The following LORICRIN variants were observed in gnomAD, a reference collection of about 807,000 sequenced individuals.
LORICRIN encodes the protein loricrin cornified envelope precursor protein.
In LORICRIN, 5 loss-of-function variants were observed where a neutral mutation model predicts 3.3. The ratio of observed to expected loss-of-function variants is 1.52; its 90% CI spans 0.79 to 3.19. The LOEUF is 3.19. Among genes scored for constraint, LORICRIN ranks in the 30% most tolerant of loss-of-function variants. The probability of loss-of-function intolerance (pLI) is 0.00; values close to 1 mark genes in which losing one functional copy is unlikely to be tolerated. For missense variants in LORICRIN, 524 were observed against 460.2 expected, an observed-to-expected ratio of 1.14 and a Z score of -1.27; for synonymous variants, 237 against 231.4, an observed-to-expected ratio of 1.02 and a Z score of -0.22.
At position 153,261,124 on chromosome 1, in the gene LORICRIN, T is replaced by C. The variant is rs775860228; in HGVS notation, c.175T>C (p.Tyr59His). Reference protein sequence around the residue: ...SGCGYSGGGGYSGGGCGGGSS... With the variant: ...SGCGYSGGGGHSGGGCGGGSS... Reference sequence around the variant, plus strand: ...CTGCGGCTACTCCGGCGGCGGTGGCTACTCTGGCGGCGGCTGCGGCGGGGG... The same window carrying C: ...CTGCGGCTACTCCGGCGGCGGTGGCCACTCTGGCGGCGGCTGCGGCGGGGG... The change falls in exon 2 of 2, where the codon TAC becomes CAC. Residue 59 changes from tyrosine to histidine, a missense_variant. By Grantham distance (83) the Tyr-to-His change is moderately conservative. Transcript: ENST00000368742. 15 of 1,355,450 alleles carry C rather than the reference T, an allele frequency of 1.1e-5. No homozygotes were observed. The highest frequency in any genetic ancestry group is 1.2e-5 in the Non-Finnish European group (13 of 1,061,626). The allele number at this position is 1,355,450 out of a possible 1,614,324, so 84.0% of individuals were successfully genotyped here.
rs1557795300 is a variant in LORICRIN, at chr1:153,261,231, C to CGGCTCCTCCAGCGGG, written c.291_292insAGCGGGGGCTCCTCC (p.Ser97_Gly98insSerGlyGlySerSer). 2.3e-5 allele frequency: 32 copies of CGGCTCCTCCAGCGGG among 1,367,978 alleles called. No homozygotes were observed. Among genetic ancestry groups the CGGCTCCTCCAGCGGG allele is most frequent in the Non-Finnish European group, 2.9e-5 (31 of 1,064,960 alleles). The allele number at this position is 1,367,978 out of a possible 1,614,324, so 84.7% of individuals were successfully genotyped here. On this transcript the variant is annotated inframe_insertion, in exon 2 of 2. Transcript: ENST00000368742. ...GGAGCGTCAAGTACTCCGGAGGCGG[C>CGGCTCCTCCAGCGGG]GGCTCCTCCGGCGGGGGCTCTGGCT...
intron 1 of LORICRIN, 140 bp from the exon 2 acceptor site, chr1:153,260,787 C>T: frequency 1.8e-6 from 1 of 543,192 alleles, no homozygotes; most frequent in South Asian, 3.3e-5. Context: ...CCAAAAGCAG[C>T]AATCATAAGA....
chr1:153,261,603 G>C lies in LORICRIN; in HGVS notation c.654G>C (p.Ser218=), dbSNP rs77162859. ...YVSSQQVTQT[S]CAPQPSYGGG... is the part of the protein sequence containing the mutation. ...CCTCGCAGCAGGTCACTCAGACCTC[G>C]TGCGCGCCCCAGCCGAGTTACGGAG... is the stretch of plus-strand genomic sequence containing the variant. Residue 218 remains serine (S), a synonymous_variant, in exon 2 of 2, where the codon TCG becomes TCC. Coordinates refer to ENST00000368742, the MANE Select transcript of LORICRIN (RefSeq NM_000427.3). 1 of 1,514,148 alleles carries C rather than the reference G, an allele frequency of 6.6e-7. No homozygotes were observed. Among genetic ancestry groups the C allele is most frequent in the African/African-American group, 1.5e-5 (1 of 67,358 alleles). The allele number at this position is 1,514,148 out of a possible 1,614,324, so 93.8% of individuals were successfully genotyped here.
chr1:153,261,242 G>A lies in LORICRIN; in HGVS notation c.293G>A (p.Gly98Asp). 1 of 1,387,924 alleles carries A rather than the reference G, an allele frequency of 7.2e-7. No individual in the cohort carries two copies. Among genetic ancestry groups the A allele is most frequent in the South Asian group, 1.6e-5 (1 of 61,790 alleles). The allele number at this position is 1,387,924 out of a possible 1,614,324, so 86.0% of individuals were successfully genotyped here. ...VKYSGGGGSS[G>D]GGSGCFSSGG... is the part of the protein sequence containing the mutation. ...TACTCCGGAGGCGGCGGCTCCTCCG[G>A]CGGGGGCTCTGGCTGTTTCTCCAGC... is the stretch of plus-strand genomic sequence containing the variant. The change falls in exon 2 of 2, where the codon GGC (glycine) becomes GAC (aspartate). Residue 98 changes from glycine to aspartate, a missense_variant. Coordinates refer to ENST00000368742, the MANE Select transcript of LORICRIN (RefSeq NM_000427.3).
rs886714045 is a variant in LORICRIN, at chr1:153,261,220, T to C, written c.271T>C (p.Ser91Pro). The C allele has an allele frequency of 2.9e-6, 4 of 1,358,130 alleles. No homozygotes were observed. The highest frequency in any genetic ancestry group is 3.3e-5 in the South Asian group (2 of 59,972). The allele number at this position is 1,358,130 out of a possible 1,614,324, so 84.1% of individuals were successfully genotyped here. Residue 91 changes from serine (S) to proline (P), a missense_variant, in exon 2 of 2, where the codon TCC becomes CCC. Ser to Pro is a moderately conservative substitution (Grantham distance 74, BLOSUM62 -1). Transcript: ENST00000368742. Reference protein sequence around the residue: ...GGGSGGSVKYSGGGGSSGGGS... With the variant: ...GGGSGGSVKYPGGGGSSGGGS... ...GGGCTCCGGTGGGAGCGTCAAGTAC[T>C]CCGGAGGCGGCGGCTCCTCCGGCGG... is the stretch of plus-strand genomic sequence containing the variant.
chr1:153,261,697 T>G lies in LORICRIN; in HGVS notation c.748T>G (p.Ser250Ala). ...CTCCAGCGGCGGGGGCGGCGGGAGCTCCGGCTGCGGCGGCGGCTCCTCCGG... is the reference window on the plus strand; with the variant it reads ...CTCCAGCGGCGGGGGCGGCGGGAGCGCCGGCTGCGGCGGCGGCTCCTCCGG... ...CFSSGGGGGSSGCGGGSSGIG... is the reference protein window; with the variant it reads ...CFSSGGGGGSAGCGGGSSGIG... Residue 250 changes from serine (S) to alanine (A), a missense_variant, in exon 2 of 2, where the codon TCC becomes GCC. Ser to Ala is a moderately conservative substitution (Grantham distance 99). Coordinates refer to ENST00000368742, the MANE Select transcript of LORICRIN (RefSeq NM_000427.3). The G allele has an allele frequency of 6.6e-7, 1 of 1,506,244 alleles. No individual in the cohort carries two copies. The highest frequency in any genetic ancestry group is 8.8e-7 in the Non-Finnish European group (1 of 1,137,628). 93.3% of individuals were successfully genotyped at this position (1,506,244 alleles called of 1,614,324 possible).
In LORICRIN at chr1:153,261,758, C is replaced by G. The variant is rs757890729; in HGVS notation, c.809C>G (p.Ser270Cys). The G allele has an allele frequency of 1.3e-6, 2 of 1,578,392 alleles. No individual in the cohort carries two copies. The highest frequency in any genetic ancestry group is 2.3e-5 in the South Asian group (2 of 87,358). Residue 270 changes from serine (S) to cysteine (C), a missense_variant, in exon 2 of 2, where the codon TCC becomes TGC. By Grantham distance (112) the Ser-to-Cys change is moderately radical. Transcript: ENST00000368742. ...GGCTGCATCATCAGTGGCGGGGGCTCCGTCTGCGGAGGTGGTTCCTCTGGA... is the reference window on the plus strand; with the variant it reads ...GGCTGCATCATCAGTGGCGGGGGCTGCGTCTGCGGAGGTGGTTCCTCTGGA... Reference protein sequence around the residue: ...GSGCIISGGGSVCGGGSSGGG... With the variant: ...GSGCIISGGGCVCGGGSSGGG...
chr1:153,259,838 C>T (rs570636106), intron 1 of LORICRIN, 105 bp downstream of exon 1: 1 of 152,430 alleles, frequency 6.6e-6, no homozygotes, highest in African/African-American at 2.4e-5. Flanking sequence ...GCTATAGGAC[C>T]TCTGCCTTCC....
In LORICRIN at chr1:153,261,317, G is replaced by A. The variant is rs968735493; in HGVS notation, c.368G>A (p.Gly123Glu). 1 of 1,465,936 alleles carries A rather than the reference G, an allele frequency of 6.8e-7. No individual in the cohort carries two copies. The allele number at this position is 1,465,936 out of a possible 1,614,324, so 90.8% of individuals were successfully genotyped here. A position where few individuals can be genotyped will look rare whatever the true frequency, so the allele number is the denominator to read the frequency against. ...CFSSGGGGSS[G>E]GGSGCFSSGG... Reference sequence around the variant, plus strand: ...TCCTCCGGTGGCGGCGGCTCCTCCGGGGGCGGCTCCGGCTGCTTCTCCAGC... The same window carrying A: ...TCCTCCGGTGGCGGCGGCTCCTCCGAGGGCGGCTCCGGCTGCTTCTCCAGC... Residue 123 changes from glycine to glutamate, a missense_variant, in exon 2 of 2, where the codon GGG becomes GAG. Physicochemically the swap from Gly to Glu is moderately conservative, Grantham distance 98 (BLOSUM62 -2). Coordinates refer to ENST00000368742, the MANE Select transcript of LORICRIN (RefSeq NM_000427.3).
At position 153,261,462 on chromosome 1, in the gene LORICRIN, G is replaced by A; in HGVS notation, c.513G>A (p.Gly171=). 4 of 1,491,624 alleles carry A rather than the reference G, an allele frequency of 2.7e-6. No homozygotes were observed. Among genetic ancestry groups the A allele is most frequent in the Non-Finnish European group, 3.5e-6 (4 of 1,129,152 alleles). 92.4% of individuals were successfully genotyped at this position (1,491,624 alleles called of 1,614,324 possible). The change falls in exon 2 of 2, where the codon GGG becomes GGA. Residue 171 remains glycine (G), a synonymous_variant. Coordinates refer to ENST00000368742, the MANE Select transcript of LORICRIN (RefSeq NM_000427.3). ...GCGTCTCTAGCGGCGGCTCCTCCGG[G>A]GGCGGCTCCGGCTGCTTCTCCAGCG... The part of the protein sequence containing the change: ...YGGVSSGGSS[G]GGSGCFSSGG...
Position 153,261,753 on chromosome 1 carries a change from G to A in LORICRIN, c.804G>A (p.Gly268=). The change falls in exon 2 of 2, where the codon GGG becomes GGA. Residue 268 remains glycine, a synonymous_variant. Coordinates refer to ENST00000368742, the MANE Select transcript of LORICRIN (RefSeq NM_000427.3). ...GCAGCGGCTGCATCATCAGTGGCGGGGGCTCCGTCTGCGGAGGTGGTTCCT... is the reference window on the plus strand; with the variant it reads ...GCAGCGGCTGCATCATCAGTGGCGGAGGCTCCGTCTGCGGAGGTGGTTCCT... ...GIGSGCIISG[G]GSVCGGGSSG... The A allele has an allele frequency of 1.3e-6, 2 of 1,576,876 alleles. No individual in the cohort carries two copies. Among genetic ancestry groups the A allele is most frequent in the Non-Finnish European group, 1.7e-6 (2 of 1,166,002 alleles).
chr1:153,260,890 G>C, intron 1 of LORICRIN, 37 bp from the exon 2 acceptor site: 1 of 1,427,742 alleles, frequency 7.0e-7, no homozygotes, highest in Non-Finnish European at 9.7e-7. Flanking sequence ...GTATCCTCTT[G>C]CAGCTGGTCC....
Position 153,261,473 on chromosome 1 carries a change from G to C in LORICRIN, c.524G>C (p.Gly175Ala). Residue 175 changes from glycine (G) to alanine (A), a missense_variant, in exon 2 of 2, where the codon GGC becomes GCC. Coordinates refer to ENST00000368742, the MANE Select transcript of LORICRIN (RefSeq NM_000427.3). ...SSGGSSGGGSGCFSSGGGGGS... is the reference protein window; with the variant it reads ...SSGGSSGGGSACFSSGGGGGS... ...GGCGGCTCCTCCGGGGGCGGCTCCG[G>C]CTGCTTCTCCAGCGGCGGGGGCGGC... 6.7e-7 allele frequency: 1 copy of C among 1,497,304 alleles called. No individual in the cohort carries two copies. Among genetic ancestry groups the C allele is most frequent in the Non-Finnish European group, 8.9e-7 (1 of 1,127,138 alleles). 92.8% of individuals were successfully genotyped at this position (1,497,304 alleles called of 1,614,324 possible). A position where few individuals can be genotyped will look rare whatever the true frequency, so the allele number is the denominator to read the frequency against.
chr1:153,261,297 C>T lies in LORICRIN; in HGVS notation c.348C>T (p.Ser116=), dbSNP rs1010256530. 1 of 1,452,030 alleles carries T rather than the reference C, an allele frequency of 6.9e-7. No individual in the cohort carries two copies. The highest frequency in any genetic ancestry group is 9.0e-7 in the Non-Finnish European group (1 of 1,110,702). 89.9% of individuals were successfully genotyped at this position (1,452,030 alleles called of 1,614,324 possible). The change falls in exon 2 of 2, where the codon TCC becomes TCT. Residue 116 remains serine (S), a synonymous_variant. Transcript: ENST00000368742. ...GGGGCGGCTCCGGCTGCTTCTCCTC[C>T]GGTGGCGGCGGCTCCTCCGGGGGCG... is the stretch of plus-strand genomic sequence containing the variant. ...SGGGGSGCFS[S]GGGGSSGGGS...
intron 1 of LORICRIN, 57 bp from the exon 2 acceptor site, chr1:153,260,870 G>A: frequency 7.9e-7 from 1 of 1,267,882 alleles, no homozygotes; most frequent in Non-Finnish European, 1.1e-6. Flanking sequence ...GGATGCAGCT[G>A]CCTCCGTAAG....
In LORICRIN at chr1:153,261,514, T is replaced by C; in HGVS notation, c.565T>C (p.Tyr189His). The change falls in exon 2 of 2, where the codon TAC (tyrosine) becomes CAC (histidine). Residue 189 changes from tyrosine (Y) to histidine (H), a missense_variant. By Grantham distance (83) the Tyr-to-His change is moderately conservative (BLOSUM62 2). Coordinates refer to ENST00000368742, the MANE Select transcript of LORICRIN (RefSeq NM_000427.3). ...SGGGGGSVCGYSGGGSGCGGG... is the reference protein window; with the variant it reads ...SGGGGGSVCGHSGGGSGCGGG... ...CGGGGGCGGCGGCTCTGTCTGCGGC[T>C]ACTCTGGCGGCGGCTCTGGCTGCGG... The C allele has an allele frequency of 1.4e-6, 1 of 728,904 alleles. No individual in the cohort carries two copies. Among genetic ancestry groups the C allele is most frequent in the Non-Finnish European group, 1.9e-6 (1 of 535,222 alleles). 45.2% of individuals were successfully genotyped at this position (728,904 alleles called of 1,614,324 possible).
chr1:153,261,009 T>TGGCGGCGGTGGCGGTGGC lies in LORICRIN; in HGVS notation c.67_84dup (p.Gly23_Gly28dup), dbSNP rs774064219. 3.5e-5 allele frequency: 52 copies of TGGCGGCGGTGGCGGTGGC among 1,496,420 alleles called. No individual in the cohort carries two copies. In the Admixed American group the frequency reaches 9.5e-4, roughly 27 times the overall value. The allele number at this position is 1,496,420 out of a possible 1,614,324, so 92.7% of individuals were successfully genotyped here. Reference sequence around the variant, plus strand: ...CCCCAGTGGACTGCGTGAAGACCTCTGGCGGCGGTGGCGGTGGCGGCGGCA... The same window carrying TGGCGGCGGTGGCGGTGGC: ...CCCCAGTGGACTGCGTGAAGACCTCTGGCGGCGGTGGCGGTGGCGGCGGCGGTGGCGGTGGCGGCGGCA... On this transcript the variant is annotated inframe_insertion, in exon 2 of 2. Transcript: ENST00000368742.
Position 153,261,976 on chromosome 1 carries a change from G to A in LORICRIN, c.*88G>A, listed in dbSNP as rs1419965151. On this transcript the variant is annotated 3_prime_UTR_variant, in exon 2 of 2. Coordinates refer to ENST00000368742, the MANE Select transcript of LORICRIN (RefSeq NM_000427.3). ...TAGAGCTCTCATGATGCTACCCGAG[G>A]TTTGCAAATCCTTCATGTCTTAACC... 2 of 1,381,326 alleles carry A rather than the reference G, an allele frequency of 1.4e-6. No individual in the cohort carries two copies. Among genetic ancestry groups the A allele is most frequent in the African/African-American group, 2.9e-5 (2 of 69,848 alleles). The allele number at this position is 1,381,326 out of a possible 1,614,324, so 85.6% of individuals were successfully genotyped here.
Position 153,261,669 on chromosome 1 carries a change from C to T in LORICRIN, c.720C>T (p.Cys240=), listed in dbSNP as rs756888586. 22 of 1,522,124 alleles carry T rather than the reference C, an allele frequency of 1.4e-5. No individual in the cohort carries two copies. The highest frequency in any genetic ancestry group is 1.7e-5 in the Non-Finnish European group (20 of 1,143,960). The allele number at this position is 1,522,124 out of a possible 1,614,324, so 94.3% of individuals were successfully genotyped here. A position where few individuals can be genotyped will look rare whatever the true frequency, so the allele number is the denominator to read the frequency against. The change falls in exon 2 of 2, where the codon TGC becomes TGT. Residue 240 remains cysteine, a synonymous_variant. Coordinates refer to ENST00000368742, the MANE Select transcript of LORICRIN (RefSeq NM_000427.3). ...SGGGGSGGSG[C]FSSGGGGGSS... ...GCGGCGGCAGCGGCGGAAGCGGCTG[C>T]TTCTCCAGCGGCGGGGGCGGCGGGA...
Sources: gnomAD v4.1 joint callset for allele counts on GRCh38, gnomAD v4.1.1 for gene constraint, MANE v1.5 for transcripts, NCBI Gene and HGNC (gene_info 2026-07-23, HGNC 2026-07-21) for gene names.